MPP1: variants seen among roughly 807,000 people sequenced by gnomAD.
MPP1 encodes the protein 55 kDa erythrocyte membrane protein.
Under a neutral mutation model 38.2 loss-of-function variants are expected in MPP1, and 6 were observed. The observed-to-expected ratio is 0.16, with a 90% CI of 0.09 to 0.31. MPP1 has a LOEUF of 0.31. Ranked by LOEUF, MPP1 falls within the 10% of genes least tolerant of loss-of-function variation. The pLI, the probability that MPP1 is intolerant of heterozygous loss-of-function variation, is 1.00. For missense variants in MPP1, 293 were observed against 368.9 expected, an observed-to-expected ratio of 0.79 and a Z score of 1.69; for synonymous variants, 153 against 146.3, an observed-to-expected ratio of 1.05 and a Z score of -0.33.
In MPP1 at chrX:154,778,983, C is replaced by G. The variant is rs1295268774; in HGVS notation, c.*194G>C. ...TTTTCAAATCCAGATCAGTGGGGCCCCATCTATCAGGAGAATCAACCCTTC... is the reference window on the plus strand; with the variant it reads ...TTTTCAAATCCAGATCAGTGGGGCCGCATCTATCAGGAGAATCAACCCTTC... On this transcript the variant is annotated 3_prime_UTR_variant, in exon 12 of 12. Coordinates refer to ENST00000369534, the MANE Select transcript of MPP1 (RefSeq NM_002436.4). The G allele has an allele frequency of 1.6e-5, 7 of 425,583 alleles. No homozygotes were observed. Among genetic ancestry groups the G allele is most frequent in the Non-Finnish European group, 2.7e-5 (7 of 258,499 alleles). The allele number at this position is 425,583 out of a possible 1,213,427, so 35.1% of individuals were successfully genotyped here.
intron 11 of MPP1, 68 bp from the exon 12 acceptor site, chrX:154,779,421 T>G: frequency 9.9e-7 from 1 of 1,007,826 alleles, no homozygotes; most frequent in Non-Finnish European, 1.4e-6. Flanking sequence ...CAGTGACAGA[T>G]TTTAAACAGC....
chrX:154,800,978 C>T (rs1432974759), intron 1 of MPP1, among the ~76,000 whole-genome samples: 6 of 112,511 alleles, frequency 5.3e-5, no homozygotes, highest in South Asian at 3.6e-4. Context: ...GACTATGTTA[C>T]GAAAGTTCCT....
At position 154,805,388 on chromosome X, in the gene MPP1, A is replaced by G. The variant is rs1557269072; in HGVS notation, c.-15T>C. 4 of 1,178,286 alleles carry G rather than the reference A, an allele frequency of 3.4e-6. No homozygotes were observed. In the South Asian group the frequency reaches 7.4e-5, roughly 22 times the overall value. ...TTGAGGGTCATCTCGCAGAAGCTGG[A>G]ACACTGGAACGCAAGACAGGGCAGC... On this transcript the variant is annotated 5_prime_UTR_variant, in exon 1 of 12. Coordinates refer to ENST00000369534, the MANE Select transcript of MPP1 (RefSeq NM_002436.4).
At chrX:154,801,567 C>A (rs183396413) in intron 1 of MPP1, among the ~76,000 whole-genome samples, 11 of 108,524 alleles carry the variant, frequency 1.0e-4, no homozygotes, top group African/African-American at 3.7e-4. Context: ...GAGACCAGCC[C>A]GGCCAACATG....
rs782266951 is a variant in MPP1 at position 154,779,311 on chromosome X, G to A, written c.1267C>T (p.Arg423Cys). ...QQLQKDSEAI[R>C]SQYAHYFDLS... ...TCAAAGTAGTGAGCGTACTGGCTGC[G>A]GATGGCCTCAGAGTCCTTCTGCAGC... The change falls in exon 12 of 12, where the codon CGC becomes TGC. Residue 423 changes from arginine to cysteine, a missense_variant. Arg to Cys is a radical substitution (Grantham distance 180, BLOSUM62 -3). Coordinates refer to ENST00000369534, the MANE Select transcript of MPP1 (RefSeq NM_002436.4). 106 of 1,209,617 alleles carry A rather than the reference G, an allele frequency of 8.8e-5. No individual in the cohort carries two copies. Among genetic ancestry groups the A allele is most frequent in the Non-Finnish European group, 1.1e-4 (97 of 895,024 alleles).
intron 1 of MPP1, chrX:154,799,699 A>C (rs2072240082): frequency 8.8e-7 from 1 of 1,130,907 alleles, no homozygotes; most frequent in South Asian, 2.1e-5. Context: ...GGCTCTGTTA[A>C]GGATGACTGC....
rs781797981 is a variant in MPP1 at position 154,781,323 on chromosome X, AAAAAG to A, written c.1150-15_1150-11del. ...GAACAATTTTCAGGGTCTAGAAAAA[AAAAAG>A]AAGGGCGGCGGGGAGGGGGGGGAAG... On this transcript the variant is annotated splice_polypyrimidine_tract_variant and intron_variant, in intron 10 of 11. Coordinates refer to ENST00000369534, the MANE Select transcript of MPP1 (RefSeq NM_002436.4). 4.2e-5 allele frequency: 49 copies of A among 1,165,615 alleles called. No individual in the cohort carries two copies. The highest frequency in any genetic ancestry group is 5.2e-5 in the Non-Finnish European group (45 of 869,694).
chrX:154,796,712 G>A (rs2072202235), intron 1 of MPP1, among the ~76,000 whole-genome samples: 2 of 112,272 alleles, frequency 1.8e-5, no homozygotes, highest in African/African-American at 3.2e-5. Flanking sequence ...ATAACAGACT[G>A]TAAATATCAG....
At position 154,786,303 on chromosome X, in the gene MPP1, T is replaced by A; in HGVS notation, c.578A>T (p.Gln193Leu). 8.3e-7 allele frequency: 1 copy of A among 1,211,655 alleles called. No homozygotes were observed. The highest frequency in any genetic ancestry group is 1.1e-6 in the Non-Finnish European group (1 of 895,355). Residue 193 changes from glutamine to leucine, a missense_variant, in exon 6 of 12, where the codon CAG (glutamine) becomes CTG (leucine). Gln to Leu is a moderately radical substitution (Grantham distance 113, BLOSUM62 -2). Coordinates refer to ENST00000369534, the MANE Select transcript of MPP1 (RefSeq NM_002436.4). ...ATTGCTGTCATCCTTGTTGATAATC[T>A]GGATAATGTCCCCAGTAGCAAACTT... ...GLKFATGDII[Q>L]IINKDDSNWW... is the part of the protein sequence containing the mutation.
At chrX:154,805,229 GAGCCCC>G in intron 1 of MPP1, 37 bp downstream of exon 1, 1 of 1,137,808 alleles carries the variant, frequency 8.8e-7, no homozygotes, top group Non-Finnish European at 1.2e-6. Flanking sequence ...ATGAATGGCC[GAGCCCC>G]GGCCCAGCGC....
At chrX:154,786,881 G>C (rs2072081656) in intron 5 of MPP1, among the ~76,000 whole-genome samples, 1 of 74,685 alleles carries the variant, frequency 1.3e-5, no homozygotes, top group Non-Finnish European at 2.4e-5. Flanking sequence ...GGGCGACAGA[G>C]TGAGACTCCG....
chrX:154,779,960 C>A (rs1323410017), intron 11 of MPP1, among the ~76,000 whole-genome samples: 1 of 112,493 alleles, frequency 8.9e-6, no homozygotes, highest in Non-Finnish European at 1.9e-5. Flanking sequence ...CTCAGGTGAT[C>A]CGCCCGCCTC....
chrX:154,798,228 C>A (rs1384156654), intron 1 of MPP1, among the ~76,000 whole-genome samples: 3 of 111,948 alleles, frequency 2.7e-5, no homozygotes, highest in African/African-American at 9.8e-5. Context: ...TATTAAAAAA[C>A]CAAACACACA....
At chrX:154,804,517 CTGGCTCA>C (rs2072298575) in intron 1 of MPP1, among the ~76,000 whole-genome samples, 2 of 111,535 alleles carry the variant, frequency 1.8e-5, no homozygotes, top group Admixed American at 9.5e-5. Flanking sequence ...GGTTGATTTT[CTGGCTCA>C]TGGCTCATGG....
intron 10 of MPP1, 43 bp from the exon 11 acceptor site, chrX:154,781,356 A>C (rs781963824): frequency 1.0e-6 from 1 of 986,128 alleles, no homozygotes; most frequent in South Asian, 2.0e-5. Flanking sequence ...GGGGGAAGGA[A>C]GAAAAGGAAA....
chrX:154,786,529 C>T lies in MPP1; in HGVS notation c.481-129G>A, dbSNP rs1467287704. 3 of 586,323 alleles carry T rather than the reference C, an allele frequency of 5.1e-6. No individual in the cohort carries two copies. The African/African-American group carries it at 6.9e-5, about 13-fold the overall frequency. The allele number at this position is 586,323 out of a possible 1,213,427, so 48.3% of individuals were successfully genotyped here. A position where few individuals can be genotyped will look rare whatever the true frequency, so the allele number is the denominator to read the frequency against. On this transcript the variant is annotated intron_variant, in intron 5 of 11. Coordinates refer to ENST00000369534, the MANE Select transcript of MPP1 (RefSeq NM_002436.4). ...CAGGGAGGTAAGAATGGTGGGGGAG[C>T]ACCCAAGAAAGAGAAATTGAAACGC... is the stretch of plus-strand genomic sequence containing the variant.
At chrX:154,801,377 C>T (rs1258978200) in intron 1 of MPP1, among the ~76,000 whole-genome samples, 4 of 110,881 alleles carry the variant, frequency 3.6e-5, no homozygotes, top group Admixed American at 1.9e-4. Flanking sequence ...AAGAATAGAA[C>T]GTTCATGATG....
At position 154,789,932 on chromosome X, in the gene MPP1, CAG is replaced by C. The variant is rs2072121252; in HGVS notation, c.480+20_480+21del. 2 of 1,146,903 alleles carry C rather than the reference CAG, an allele frequency of 1.7e-6. No homozygotes were observed. The allele number at this position is 1,146,903 out of a possible 1,213,427, so 94.5% of individuals were successfully genotyped here. ...GGCCCGACTCCTGCCATCATGACAA[CAG>C]AGAAAATGGTGCCACCCACCTGTAG... On this transcript the variant is annotated intron_variant, in intron 5 of 11. Transcript: ENST00000369534.
At chrX:154,788,620 C>G (rs1396207217) in intron 5 of MPP1, among the ~76,000 whole-genome samples, 6 of 112,247 alleles carry the variant, frequency 5.3e-5, no homozygotes, top group Non-Finnish European at 3.8e-5. Flanking sequence ...GATGAAGACA[C>G]ATATATCCTA....
Sources: gnomAD v4.1 joint callset for allele counts (sites outside exome capture counted in the v4.1 genomes callset) on GRCh38, gnomAD v4.1.1 for gene constraint, MANE v1.5 for transcripts, NCBI Gene and HGNC (gene_info 2026-07-23, HGNC 2026-07-21) for gene names.